The following DLGAP2 variants were observed in gnomAD, a reference collection of about 807,000 sequenced individuals.
DLGAP2 encodes the protein DLG associated protein 2.
Under a neutral mutation model 100.3 loss-of-function variants are expected in DLGAP2, and 26 were observed. That is an observed-to-expected ratio of 0.26 (90% CI 0.19 to 0.36). The LOEUF is 0.36. DLGAP2 is among the 10% of genes least tolerant of loss of function. The probability of loss-of-function intolerance (pLI) is 1.00; values close to 1 mark genes in which losing one functional copy is unlikely to be tolerated. For missense variants in DLGAP2, 1,858 were observed against 1,453.2 expected, an observed-to-expected ratio of 1.28 and a Z score of -4.53; for synonymous variants, 886 against 630.1, an observed-to-expected ratio of 1.41 and a Z score of -6.08.
chr8:1,653,943 T>G (rs980238627), intron 8 of DLGAP2, among the ~76,000 whole-genome samples: 2 of 152,214 alleles, frequency 1.3e-5, no homozygotes, highest in Admixed American at 6.5e-5. Flanking sequence ...ATTAATTTTT[T>G]AATTGAAGGT....
intron 2 of DLGAP2, among the ~76,000 whole-genome samples, chr8:1,096,702 T>G (rs111711559): frequency 9.0e-4 from 68 of 75,184 alleles, no homozygotes; most frequent in South Asian, 1.3e-3. Context: ...CATAGAGAGG[T>G]CCCCTCCAGC....
intron 2 of DLGAP2, among the ~76,000 whole-genome samples, chr8:984,105 C>G (rs1179146040): frequency 6.6e-6 from 1 of 152,164 alleles, no homozygotes; most frequent in Non-Finnish European, 1.5e-5. Flanking sequence ...TACCTCGTAG[C>G]AGGAAACTGT....
intron 3 of DLGAP2, among the ~76,000 whole-genome samples, chr8:1,379,271 G>A (rs901596836): frequency 1.3e-5 from 2 of 152,248 alleles, no homozygotes; most frequent in African/African-American, 2.4e-5. Context: ...GCACAGGCCC[G>A]AGGGCCACAT....
chr8:959,912 C>T (rs1274153603), intron 2 of DLGAP2, among the ~76,000 whole-genome samples: 1 of 151,878 alleles, frequency 6.6e-6, no homozygotes. Context: ...ACAGCTGTCT[C>T]AAAAAGGATT....
At chr8:1,421,398 T>G (rs1481015433) in intron 3 of DLGAP2, among the ~76,000 whole-genome samples, 1 of 152,204 alleles carries the variant, frequency 6.6e-6, no homozygotes, top group African/African-American at 2.4e-5. Flanking sequence ...CATCCCATTC[T>G]GAGGCTCTCA....
intron 3 of DLGAP2, among the ~76,000 whole-genome samples, chr8:1,416,036 G>A (rs1796873395): frequency 6.6e-6 from 1 of 152,184 alleles, no homozygotes; most frequent in African/African-American, 2.4e-5. Context: ...GAAGCAGGTG[G>A]AAAATGCAAA....
At chr8:760,874 G>A (rs537937507) in intron 1 of DLGAP2, among the ~76,000 whole-genome samples, 10 of 152,154 alleles carry the variant, frequency 6.6e-5, no homozygotes, top group Non-Finnish European at 1.5e-4. Context: ...TGCCTGCACC[G>A]AGAGCCACCA....
chr8:805,612 T>C (rs947974993), intron 1 of DLGAP2, among the ~76,000 whole-genome samples: 5 of 152,154 alleles, frequency 3.3e-5, no homozygotes, highest in African/African-American at 1.2e-4. Flanking sequence ...TCCTATAATT[T>C]TTTTTTCTTT....
intron 2 of DLGAP2, among the ~76,000 whole-genome samples, chr8:1,157,066 T>C (rs1226949305): frequency 2.0e-5 from 3 of 152,174 alleles, no homozygotes; most frequent in Non-Finnish European, 2.9e-5. Flanking sequence ...TCTGAGGGAC[T>C]CGGTGGTGTC....
chr8:1,311,048 A>G (rs564528488), intron 3 of DLGAP2, among the ~76,000 whole-genome samples: 4 of 146,382 alleles, frequency 2.7e-5, no homozygotes, highest in East Asian at 3.9e-4. Context: ...ACTGACAAAG[A>G]AAAAAAAAAG....
rs115425559 is a variant in DLGAP2 at position 983,174 on chromosome 8, C to T, written c.73+75208C>T. Among the ~76,000 whole-genome samples the T allele has an allele frequency of 3.8e-3, 578 of 152,312 alleles. 2 individuals are homozygous for T. Among genetic ancestry groups the T allele is most frequent in the African/African-American group, 0.014 (562 of 41,552 alleles). On this transcript the variant is annotated intron_variant, in intron 2 of 14. Coordinates refer to ENST00000637795, the MANE Select transcript of DLGAP2 (RefSeq NM_001346810.2). The stretch of plus-strand genomic sequence containing the variant: ...ATAATGTTCTCTTGAAAATCGGACA[C>T]TGATGGACCTTTAAATATGCCCTTA...
rs1002620073 is a variant in DLGAP2 at position 1,008,352 on chromosome 8, C to A, written c.73+100386C>A. Among the ~76,000 whole-genome samples, 6 of 152,120 alleles carry A rather than the reference C, an allele frequency of 3.9e-5. No individual in the cohort carries two copies. The East Asian group carries it at 1.2e-3, about 29-fold the overall frequency. On this transcript the variant is annotated intron_variant, in intron 2 of 14. Transcript: ENST00000637795. Reference sequence around the variant, plus strand: ...CACAACGAGTGTCTATAATGTAGCCCAAGCCAGGAAATAGTGAAAACTGGT... The same window carrying A: ...CACAACGAGTGTCTATAATGTAGCCAAAGCCAGGAAATAGTGAAAACTGGT...
intron 2 of DLGAP2, among the ~76,000 whole-genome samples, chr8:1,008,939 A>G (rs931627123): frequency 1.3e-5 from 2 of 152,244 alleles, no homozygotes; most frequent in Middle Eastern, 3.2e-3. Flanking sequence ...GAGTCAGGTC[A>G]GCAGCACCCA....
rs1362103813 is a variant in DLGAP2, at chr8:1,701,201, T to A, written c.2963T>A (p.Val988Asp). Residue 988 changes from valine to aspartate, a missense_variant, in exon 15 of 15, where the codon GTC (valine) becomes GAC (aspartate). Coordinates refer to ENST00000637795, the MANE Select transcript of DLGAP2 (RefSeq NM_001346810.2). Reference sequence around the variant, plus strand: ...GCTGCTTTTCAGGAAGAAAGAAAGGTCCCGCCTCCAATACCAAAGAAGCCT... The same window carrying A: ...GCTGCTTTTCAGGAAGAAAGAAAGGACCCGCCTCCAATACCAAAGAAGCCT... Reference protein sequence around the residue: ...ESPERKEERKVPPPIPKKPPK... With the variant: ...ESPERKEERKDPPPIPKKPPK... 3 of 1,563,812 alleles carry A rather than the reference T, an allele frequency of 1.9e-6. No homozygotes were observed. Among genetic ancestry groups the A allele is most frequent in the Non-Finnish European group, 2.6e-6 (3 of 1,154,994 alleles).
chr8:1,416,466 C>G (rs1431045937), intron 3 of DLGAP2, among the ~76,000 whole-genome samples: 1 of 152,148 alleles, frequency 6.6e-6, no homozygotes, highest in Non-Finnish European at 1.5e-5. Flanking sequence ...GTCCATCAGG[C>G]GGAGAATCCG....
chr8:1,155,567 TGCAGGCTC>T (rs1210757558), intron 2 of DLGAP2, among the ~76,000 whole-genome samples: 1 of 152,176 alleles, frequency 6.6e-6, no homozygotes, highest in African/African-American at 2.4e-5. Context: ...TGATGTGTGG[TGCAGGCTC>T]GCAGGTTGCA....
intron 1 of DLGAP2, among the ~76,000 whole-genome samples, chr8:894,964 CGGATGGCAGGGGTGGCATGGGAAG>C (rs1798115981): frequency 3.1e-5 from 2 of 65,174 alleles, no homozygotes; most frequent in African/African-American, 6.1e-5. Flanking sequence ...AGTGGGGTGG[CGGATGGCAGGGGTGGCATGGGAAG>C]AGCAGAGTGG....
intron 3 of DLGAP2, among the ~76,000 whole-genome samples, chr8:1,295,142 C>G (rs753787052): frequency 3.7e-4 from 56 of 152,274 alleles, no homozygotes; most frequent in Admixed American, 1.9e-3. Context: ...TCAAACTCGT[C>G]TCCTTGGGTG....
At chr8:1,586,928 C>G (rs1026998336) in intron 6 of DLGAP2, among the ~76,000 whole-genome samples, 1 of 152,196 alleles carries the variant, frequency 6.6e-6, no homozygotes, top group African/African-American at 2.4e-5. Flanking sequence ...TTCATCAGTG[C>G]AGCTAAGGAG....
Sources: gnomAD v4.1 joint callset for allele counts (sites outside exome capture counted in the v4.1 genomes callset) on GRCh38, gnomAD v4.1.1 for gene constraint, MANE v1.5 for transcripts, NCBI Gene and HGNC (gene_info 2026-07-23, HGNC 2026-07-21) for gene names.